The following LINGO2 variants were observed in gnomAD, a reference collection of about 807,000 sequenced individuals.
LINGO2 encodes the protein leucine rich repeat and Ig domain containing 2.
In LINGO2, 14 loss-of-function variants were observed where a neutral mutation model predicts 30.6. The observed-to-expected ratio is 0.46, with a 90% CI of 0.30 to 0.72. The LOEUF is 0.72. Among genes scored for constraint, LINGO2 ranks in the 30% least tolerant of loss-of-function variants. The pLI is 0.07. For synonymous variants in LINGO2, 317 were observed against 288.5 expected (o/e 1.10, Z -1.00); for missense variants, 729 against 751.7 (o/e 0.97, Z 0.35).
intron 3 of LINGO2, among the ~76,000 whole-genome samples, chr9:28,300,674 C>G (rs1466493506): frequency 6.6e-6 from 1 of 151,874 alleles, no homozygotes; most frequent in African/African-American, 2.4e-5. Flanking sequence ...TTCTTCCTCC[C>G]TTCCATCCTT....
intron 1 of LINGO2, among the ~76,000 whole-genome samples, chr9:28,588,598 AAAACAAACAAACAAAC>A (rs5897309): frequency 6.6e-6 from 1 of 150,578 alleles, no homozygotes; most frequent in African/African-American, 2.5e-5. Flanking sequence ...AGTTCAGGTT[AAAACAAACAAACAAAC>A]AAACAAACAA....
chr9:28,886,015 T>C, the LINGO2 span, among the ~76,000 whole-genome samples: 2 of 152,238 alleles, frequency 1.3e-5, no homozygotes, highest in South Asian at 4.1e-4. Context: ...TATATTTGGC[T>C]ATTTATTTTC....
At chr9:28,699,033 C>A in the LINGO2 span, among the ~76,000 whole-genome samples, 3 of 137,134 alleles carry the variant, frequency 2.2e-5, no homozygotes, top group Admixed American at 2.2e-4. Context: ...GAGAATGAGA[C>A]CCTGCCTCAA....
intron 1 of LINGO2, among the ~76,000 whole-genome samples, chr9:28,499,097 C>G (rs892505925): frequency 1.3e-5 from 2 of 152,148 alleles, no homozygotes; most frequent in East Asian, 3.9e-4. Context: ...TGAAGAGCAG[C>G]TTACTTAACT....
intron 4 of LINGO2, among the ~76,000 whole-genome samples, chr9:28,186,165 G>A (rs966062710): frequency 2.0e-5 from 3 of 151,990 alleles, no homozygotes; most frequent in African/African-American, 7.3e-5. Flanking sequence ...TTTGACTTTT[G>A]ACATTAACCT....
At chr9:28,625,450 T>C (rs189085011) in intron 1 of LINGO2, among the ~76,000 whole-genome samples, 2 of 152,250 alleles carry the variant, frequency 1.3e-5, no homozygotes, top group Admixed American at 1.3e-4. Flanking sequence ...GTTACTATGA[T>C]TGCTCACCTG....
intron 4 of LINGO2, among the ~76,000 whole-genome samples, chr9:28,161,081 GA>G (rs1828272277): frequency 6.6e-6 from 1 of 152,202 alleles, no homozygotes; most frequent in African/African-American, 2.4e-5. Flanking sequence ...GCCAAAGGTT[GA>G]AGAGCAGGGA....
At chr9:28,878,754 T>C in the LINGO2 span, among the ~76,000 whole-genome samples, 720 of 152,234 alleles carry the variant, frequency 4.7e-3, 4 homozygotes, top group South Asian at 0.028. Context: ...ATTATCTCAA[T>C]AGATGCAGAA....
chr9:28,678,155 A>AAC, the LINGO2 span, among the ~76,000 whole-genome samples: 2 of 151,368 alleles, frequency 1.3e-5, no homozygotes, highest in Admixed American at 6.6e-5. Context: ...AAAAAAAAAA[A>AAC]AAAACTTTAT....
the LINGO2 span, among the ~76,000 whole-genome samples, chr9:28,781,733 G>A: frequency 6.6e-6 from 1 of 152,038 alleles, no homozygotes; most frequent in Non-Finnish European, 1.5e-5. Flanking sequence ...GTCAGCACCT[G>A]GCAGGCATTC....
At chr9:29,186,627 T>G in the LINGO2 span, among the ~76,000 whole-genome samples, 22 of 152,188 alleles carry the variant, frequency 1.4e-4, no homozygotes, top group African/African-American at 5.3e-4. Flanking sequence ...ACTAAGATAG[T>G]TCATTATTAG....
chr9:29,090,239 T>C, the LINGO2 span, among the ~76,000 whole-genome samples: 1 of 152,028 alleles, frequency 6.6e-6, no homozygotes, highest in African/African-American at 2.4e-5. Flanking sequence ...ATACACATCA[T>C]GCTTTTTCAT....
Position 28,354,177 on chromosome 9 carries a change from T to C in LINGO2, c.-246+18659A>G, listed in dbSNP as rs577859069. On this transcript the variant is annotated intron_variant, in intron 3 of 5. Coordinates refer to ENST00000379992, the Ensembl canonical transcript of LINGO2. ...TAAAAAAAAAATGCTGTTCACGTCATATGAGTTCTGATTAAAATTGTTAAG... is the reference window on the plus strand; with the variant it reads ...TAAAAAAAAAATGCTGTTCACGTCACATGAGTTCTGATTAAAATTGTTAAG... Among the ~76,000 whole-genome samples, 20 of 152,270 alleles carry C rather than the reference T, an allele frequency of 1.3e-4. No homozygotes were observed. In the East Asian group the frequency reaches 3.9e-3, roughly 29 times the overall value.
the LINGO2 span, among the ~76,000 whole-genome samples, chr9:28,862,340 T>C: frequency 6.7e-6 from 1 of 148,784 alleles, no homozygotes; most frequent in Non-Finnish European, 1.5e-5. Flanking sequence ...TGTATCATAG[T>C]TCAAATTAAA....
chr9:29,119,818 G>A, the LINGO2 span, among the ~76,000 whole-genome samples: 6,264 of 151,936 alleles, frequency 0.041, 198 homozygotes, highest in Admixed American at 0.08. Context: ...GGCTGGTCTC[G>A]AACTCCTGAC....
chr9:29,165,648 C>T, the LINGO2 span, among the ~76,000 whole-genome samples: 9 of 151,674 alleles, frequency 5.9e-5, no homozygotes, highest in African/African-American at 2.2e-4. Flanking sequence ...ACTTGAATTG[C>T]AGGAGAAAAA....
chr9:28,144,661 C>G (rs1827765229), intron 4 of LINGO2, among the ~76,000 whole-genome samples: 6 of 152,130 alleles, frequency 3.9e-5, no homozygotes, highest in Admixed American at 3.9e-4. Flanking sequence ...TAAGTCTTTG[C>G]TGAGTGCTGG....
intron 2 of LINGO2, among the ~76,000 whole-genome samples, chr9:28,386,281 G>T (rs1199912604): frequency 6.6e-6 from 1 of 152,108 alleles, no homozygotes; most frequent in African/African-American, 2.4e-5. Flanking sequence ...CTTTCTAGCT[G>T]GGCAAGTTTT....
At chr9:28,699,694 A>G in the LINGO2 span, among the ~76,000 whole-genome samples, 1 of 152,004 alleles carries the variant, frequency 6.6e-6, no homozygotes, top group East Asian at 1.9e-4. Context: ...AGATATTGCT[A>G]AATTCTTTTC....
Sources: allele counts gnomAD v4.1 joint callset (sites outside exome capture counted in the v4.1 genomes callset), GRCh38; gene constraint gnomAD v4.1.1; transcripts MANE v1.5; gene names NCBI Gene and HGNC (gene_info 2026-07-23, HGNC 2026-07-21).